C12orf42: variants seen among roughly 807,000 people sequenced by gnomAD.
The protein encoded by C12orf42 is chromosome 12 open reading frame 42, also known as uncharacterized protein C12orf42.
C12orf42 carries 25 observed loss-of-function variants against 21.6 expected under a neutral mutation model. That is an observed-to-expected ratio of 1.16 (90% CI 0.84 to 1.62). The LOEUF is 1.62. Ranked by LOEUF, C12orf42 falls within the 40% of genes most tolerant of loss-of-function variation. C12orf42 has a pLI of 0.00. For synonymous variants in C12orf42, 174 were observed against 175.0 expected (o/e 0.99, Z 0.05); for missense variants, 483 against 459.3 (o/e 1.05, Z -0.47).
chr12:103,511,586 C>A, the C12orf42 span, among the ~76,000 whole-genome samples: 1 of 152,076 alleles, frequency 6.6e-6, no homozygotes, highest in Non-Finnish European at 1.5e-5. Context: ...TTCCTCCTAA[C>A]CTCTAACTCT....
At chr12:103,188,038 C>T in the C12orf42 span, among the ~76,000 whole-genome samples, 1 of 152,114 alleles carries the variant, frequency 6.6e-6, no homozygotes, top group Admixed American at 6.6e-5. Flanking sequence ...TTTGAAATCT[C>T]CCTCTCTCAT....
the C12orf42 span, among the ~76,000 whole-genome samples, chr12:103,546,628 A>C: frequency 6.6e-6 from 1 of 152,244 alleles, no homozygotes; most frequent in Non-Finnish European, 1.5e-5. Context: ...GTAGAAAAAA[A>C]ATGAAAGACG....
At chr12:103,465,989 T>C (rs1045959191) in intron 2 of C12orf42, among the ~76,000 whole-genome samples, 2 of 152,170 alleles carry the variant, frequency 1.3e-5, no homozygotes, top group Non-Finnish European at 2.9e-5. Flanking sequence ...TGCTGCTGGA[T>C]TCGGTTTGCC....
At chr12:103,349,606 CTG>C (rs890776711) in intron 4 of C12orf42, among the ~76,000 whole-genome samples, 4 of 151,924 alleles carry the variant, frequency 2.6e-5, no homozygotes, top group African/African-American at 9.7e-5. Flanking sequence ...TAAAGAAAAA[CTG>C]TGTAAGTATC....
chr12:103,159,614 C>G, the C12orf42 span: 2 of 152,224 alleles, frequency 1.3e-5, no homozygotes, highest in African/African-American at 4.8e-5. Context: ...CCAACCTCCA[C>G]CCTCCCTGCA....
At chr12:103,209,640 G>A in the C12orf42 span, among the ~76,000 whole-genome samples, 1 of 152,154 alleles carries the variant, frequency 6.6e-6, no homozygotes. Flanking sequence ...GTTTTCAAAG[G>A]AGAGGTCTCA....
At chr12:103,400,306 T>C (rs2138667914) in intron 3 of C12orf42, among the ~76,000 whole-genome samples, 2 of 152,338 alleles carry the variant, frequency 1.3e-5, no homozygotes, top group South Asian at 4.1e-4. Context: ...ATGAGCTAAA[T>C]GCCAACTCTC....
At chr12:103,213,121 G>C in the C12orf42 span, among the ~76,000 whole-genome samples, 7 of 151,968 alleles carry the variant, frequency 4.6e-5, no homozygotes, top group African/African-American at 1.7e-4. Context: ...AATATTTTAG[G>C]TCACAATCAA....
intron 2 of C12orf42, among the ~76,000 whole-genome samples, chr12:103,441,770 C>T (rs545115167): frequency 2.0e-5 from 3 of 152,300 alleles, no homozygotes; most frequent in African/African-American, 7.2e-5. Flanking sequence ...ATGACAGAAA[C>T]TTCTCTTGAG....
At chr12:103,107,861 A>C in the C12orf42 span, among the ~76,000 whole-genome samples, 1 of 151,768 alleles carries the variant, frequency 6.6e-6, no homozygotes, top group South Asian at 2.1e-4. Context: ...AGAGAGAAGA[A>C]AGAAATAGTC....
intron 1 of C12orf42, among the ~76,000 whole-genome samples, chr12:103,492,816 A>G (rs1399916198): frequency 6.6e-6 from 1 of 152,076 alleles, no homozygotes; most frequent in African/African-American, 2.4e-5. Flanking sequence ...TAACCCGTCG[A>G]ATTATTGATC....
At position 103,381,930 on chromosome 12, in the gene C12orf42, A is replaced by T. The variant is rs1161493334; in HGVS notation, c.148-12932T>A. ...AGACTCCGTCTCAAAAAAAAAAAAAATTTGCTTTCTCTTTCTCTGCCTCAG... is the reference window on the plus strand; with the variant it reads ...AGACTCCGTCTCAAAAAAAAAAAAATTTTGCTTTCTCTTTCTCTGCCTCAG... On this transcript the variant is annotated intron_variant, in intron 3 of 5. Transcript: ENST00000548883. Among the ~76,000 whole-genome samples, 4 of 137,630 alleles carry T rather than the reference A, an allele frequency of 2.9e-5. No homozygotes were observed. The South Asian group carries it at 7.0e-4, about 24-fold the overall frequency. 90.3% of individuals were successfully genotyped at this position (137,630 alleles called of 152,430 possible). A position where few individuals can be genotyped will look rare whatever the true frequency, so the allele number is the denominator to read the frequency against.
intron 4 of C12orf42, among the ~76,000 whole-genome samples, chr12:103,296,838 T>G (rs1014797996): frequency 6.6e-6 from 1 of 152,254 alleles, no homozygotes; most frequent in Non-Finnish European, 1.5e-5. Context: ...TAGTTTCTTT[T>G]GCTGTGCAGA....
At chr12:103,473,845 C>A (rs1953818212) in intron 2 of C12orf42, among the ~76,000 whole-genome samples, 1 of 152,160 alleles carries the variant, frequency 6.6e-6, no homozygotes, top group Admixed American at 6.5e-5. Flanking sequence ...ACTCTCAGCT[C>A]CCTGAGGGCA....
chr12:103,177,502 A>C, the C12orf42 span, among the ~76,000 whole-genome samples: 15 of 152,306 alleles, frequency 9.8e-5, no homozygotes, highest in African/African-American at 3.6e-4. Flanking sequence ...TGCTTGAATA[A>C]TTTTTTGAGA....
At chr12:103,075,107 A>G in the C12orf42 span, among the ~76,000 whole-genome samples, 1 of 152,052 alleles carries the variant, frequency 6.6e-6, no homozygotes, top group African/African-American at 2.4e-5. Flanking sequence ...AACATAAACA[A>G]ACACACACAG....
Position 103,442,763 on chromosome 12 carries a change from T to C in C12orf42, c.78+35586A>G, listed in dbSNP as rs980095517. Among the ~76,000 whole-genome samples the C allele has an allele frequency of 5.3e-5, 8 of 152,152 alleles. No homozygotes were observed. In the East Asian group the frequency reaches 7.7e-4, roughly 15 times the overall value. On this transcript the variant is annotated intron_variant, in intron 2 of 5. Transcript: ENST00000548883. ...TGCACTACATGCTTTCCATGTATCATACATAGATCTTTTTAAAAAGAAAAG... is the reference window on the plus strand; with the variant it reads ...TGCACTACATGCTTTCCATGTATCACACATAGATCTTTTTAAAAAGAAAAG...
chr12:103,419,498 C>T (rs1017608792), intron 2 of C12orf42, among the ~76,000 whole-genome samples: 1 of 151,952 alleles, frequency 6.6e-6, no homozygotes, highest in African/African-American at 2.4e-5. Context: ...ACAAGTCCTT[C>T]ACCTCCCCAG....
chr12:103,487,715 T>A (rs1364201809), intron 1 of C12orf42, among the ~76,000 whole-genome samples: 1 of 152,204 alleles, frequency 6.6e-6, no homozygotes, highest in Admixed American at 6.5e-5. Context: ...TATAATGGCC[T>A]TCTTTGTCTC....
Sources: allele counts gnomAD v4.1 joint callset (sites outside exome capture counted in the v4.1 genomes callset), GRCh38; gene constraint gnomAD v4.1.1; transcripts MANE v1.5; gene names NCBI Gene and HGNC (gene_info 2026-07-23, HGNC 2026-07-21).